USP30: variants seen among roughly 807,000 people sequenced by gnomAD.
The protein encoded by USP30 is ubiquitin specific peptidase 30.
USP30 carries 41 observed loss-of-function variants against 68.2 expected under a neutral mutation model. The ratio of observed to expected loss-of-function variants is 0.60; its 90% confidence interval spans 0.47 to 0.78. The LOEUF (loss-of-function observed/expected upper bound fraction) is 0.78. Ranked by LOEUF, USP30 falls within the 30% of genes least tolerant of loss-of-function variation. The pLI, the probability that USP30 is intolerant of heterozygous loss-of-function variation, is 0.00. For missense variants in USP30, 522 were observed against 649.4 expected, an observed-to-expected ratio of 0.80 and a Z score of 2.13; for synonymous variants, 229 against 253.7, an observed-to-expected ratio of 0.90 and a Z score of 0.93.
Position 109,028,635 on chromosome 12 carries a change from G to A in USP30, c.-136+1079G>A, listed in dbSNP as rs532447166. ...TGAGATTACAGGCGTGTGCCAACAC[G>A]CCTGGCTAATTTTTGTAATTTTAGT... On this transcript the variant is annotated intron_variant, in intron 3 of 15. Transcript: ENST00000392784. 6.6e-5 allele frequency among the ~76,000 whole-genome samples: 10 copies of A among 152,104 alleles called. No homozygotes were observed. In the East Asian group the frequency reaches 1.7e-3, roughly 26 times the overall value.
At chr12:109,053,120 T>G in intron 1 of USP30, 1 of 190,830 alleles carries the variant, frequency 5.2e-6, no homozygotes, top group Non-Finnish European at 1.1e-5. Context: ...CCTTCTAGTA[T>G]ACCCCCAGTC....
At chr12:109,060,549 T>A (rs2041030057) in intron 3 of USP30, among the ~76,000 whole-genome samples, 1 of 152,102 alleles carries the variant, frequency 6.6e-6, no homozygotes, top group African/African-American at 2.4e-5. Flanking sequence ...AAAAAAAAAA[T>A]GTGCAACTCG....
intron 3 of USP30, among the ~76,000 whole-genome samples, chr12:109,059,156 G>A (rs959333683): frequency 1.3e-5 from 2 of 152,118 alleles, no homozygotes; most frequent in Non-Finnish European, 2.9e-5. Flanking sequence ...ATATACACTG[G>A]CTTGGTAAAG....
chr12:109,069,188 T>A (rs528205994), intron 4 of USP30, among the ~76,000 whole-genome samples: 1 of 152,370 alleles, frequency 6.6e-6, no homozygotes, highest in African/African-American at 2.4e-5. Flanking sequence ...CCCCCTCCTC[T>A]GCAGTGCTGT....
intron 3 of USP30, among the ~76,000 whole-genome samples, chr12:109,041,854 T>A (rs1345979564): frequency 1.3e-5 from 2 of 152,116 alleles, no homozygotes; most frequent in East Asian, 3.8e-4. Flanking sequence ...GATCCCTCTG[T>A]CAATTGAAGC....
Position 109,066,986 on chromosome 12 carries a change from G to A in USP30, c.377-538G>A, listed in dbSNP as rs528772390. On this transcript the variant is annotated intron_variant, in intron 3 of 12. Coordinates refer to ENST00000257548, the MANE Select transcript of USP30 (RefSeq NM_032663.5). The stretch of plus-strand genomic sequence containing the variant: ...TCGGTTACTTCATTTAAATGCTGCA[G>A]CCTCATGAAAAATTACATTCATTCA... 2.0e-5 allele frequency among the ~76,000 whole-genome samples: 3 copies of A among 152,124 alleles called. No individual in the cohort carries two copies. In the South Asian group the frequency reaches 6.2e-4, roughly 32 times the overall value.
At chr12:109,078,553 C>G (rs1379022456) in intron 7 of USP30, among the ~76,000 whole-genome samples, 1 of 150,936 alleles carries the variant, frequency 6.6e-6, no homozygotes, top group African/African-American at 2.4e-5. Context: ...GAGCCGAGAT[C>G]ACACCACTGC....
At chr12:109,040,943 C>T (rs1289480755) in intron 3 of USP30, among the ~76,000 whole-genome samples, 1 of 152,200 alleles carries the variant, frequency 6.6e-6, no homozygotes, top group African/African-American at 2.4e-5. Flanking sequence ...CTCAGCTTTT[C>T]TCCCATATTG....
intron 3 of USP30, among the ~76,000 whole-genome samples, chr12:109,061,084 C>T (rs982893036): frequency 1.3e-5 from 2 of 152,140 alleles, no homozygotes; most frequent in African/African-American, 4.8e-5. Context: ...TGCACCCAGC[C>T]ATGTTCATGG....
At chr12:109,063,984 C>A (rs1356069359) in intron 3 of USP30, among the ~76,000 whole-genome samples, 3 of 151,518 alleles carry the variant, frequency 2.0e-5, no homozygotes, top group Admixed American at 2.0e-4. Context: ...AGCGATTCTC[C>A]TGCCTCAGCC....
At position 109,079,349 on chromosome 12, in the gene USP30, T is replaced by TC. The variant is rs2041721488; in HGVS notation, c.721-1985_721-1984insC. 2.0e-4 allele frequency among the ~76,000 whole-genome samples: 25 copies of TC among 125,472 alleles called. 1 individual carries two copies. The highest frequency in any genetic ancestry group is 7.5e-4 in the South Asian group (3 of 4,010). 82.3% of individuals were successfully genotyped at this position (125,472 alleles called of 152,430 possible). A position where few individuals can be genotyped will look rare whatever the true frequency, so the allele number is the denominator to read the frequency against. On this transcript the variant is annotated intron_variant, in intron 7 of 12. Transcript: ENST00000257548. ...TTTTCTTTTCTTTTTCTTTTTTTTTTTCTTTTTTTTTTTTTTTTTTTTTTT... is the reference window on the plus strand; with the variant it reads ...TTTTCTTTTCTTTTTCTTTTTTTTTTCTCTTTTTTTTTTTTTTTTTTTTTTT...
In USP30 at chr12:109,085,051, C is replaced by G. The variant is rs764391497; in HGVS notation, c.1267C>G (p.Leu423Val). The change falls in exon 12 of 13, where the codon CTC becomes GTC. Residue 423 changes from leucine to valine, a missense_variant. Leu to Val is a conservative substitution (Grantham distance 32). Transcript: ENST00000257548. ...GCTGTCAGCGCCGATGCCCTTCCCT[C>G]TCCCAGTTGTTCCCGACTACAGGTG... ...PTLSAPMPFP[L>V]PVVPDYSSST... 8.8e-6 allele frequency: 14 copies of G among 1,596,056 alleles called. No homozygotes were observed. The highest frequency in any genetic ancestry group is 1.2e-5 in the Non-Finnish European group (14 of 1,169,600).
chr12:109,063,290 G>A (rs765975371), intron 3 of USP30, among the ~76,000 whole-genome samples: 4 of 152,014 alleles, frequency 2.6e-5, no homozygotes, highest in Non-Finnish European at 2.9e-5. Context: ...TAGTAGAGAC[G>A]GGGTTTTACC....
Position 109,056,782 on chromosome 12 carries a change from C to G in USP30, c.184C>G (p.Arg62Gly). Reference protein sequence around the residue: ...IWGPITERKKRRKGLVPGLVN... With the variant: ...IWGPITERKKGRKGLVPGLVN... ...GGGTCCCATTACAGAAAGAAAGAAG[C>G]GTAGAAAAGGTAAGAATGAGAACAC... The change falls in exon 2 of 13, where the codon CGT becomes GGT. Residue 62 changes from arginine (R) to glycine (G), a missense_variant. Arg to Gly is a moderately radical substitution (Grantham distance 125, BLOSUM62 -2). Coordinates refer to ENST00000257548, the MANE Select transcript of USP30 (RefSeq NM_032663.5). 1 of 1,607,868 alleles carries G rather than the reference C, an allele frequency of 6.2e-7. No homozygotes were observed. The highest frequency in any genetic ancestry group is 8.5e-7 in the Non-Finnish European group (1 of 1,177,680).
chr12:109,065,182 A>G (rs553431867), intron 3 of USP30, among the ~76,000 whole-genome samples: 22 of 152,294 alleles, frequency 1.4e-4, no homozygotes, highest in Non-Finnish European at 2.6e-4. Flanking sequence ...CTTGGGAGTC[A>G]CTGAACTTCC....
rs1555257267 is a variant in USP30 at position 109,055,400 on chromosome 12, A to ACATATATATATATATATATATATTTTTT, written c.84-1282_84-1281insCATATATATATATATATATATATTTTTT. Reference sequence around the variant, plus strand: ...TATACATATATATATATATATATATATTTTTTTTTTTTTTTTTTTTGAGGC... The same window carrying ACATATATATATATATATATATATTTTTT: ...TATACATATATATATATATATATATACATATATATATATATATATATATTTTTTTTTTTTTTTTTTTTTTTTTTGAGGC... On this transcript the variant is annotated intron_variant, in intron 1 of 12. Coordinates refer to ENST00000257548, the MANE Select transcript of USP30 (RefSeq NM_032663.5). Among the ~76,000 whole-genome samples the ACATATATATATATATATATATATTTTTT allele has an allele frequency of 1.9e-3, 46 of 24,448 alleles. 1 individual carries two copies. Among genetic ancestry groups the ACATATATATATATATATATATATTTTTT allele is most frequent in the Non-Finnish European group, 3.8e-3 (43 of 11,436 alleles). 16.0% of individuals were successfully genotyped at this position (24,448 alleles called of 152,430 possible).
At chr12:109,079,351 CTTTTTTTTTTTTT>C (rs71079521) in intron 7 of USP30, among the ~76,000 whole-genome samples, 9 of 48,796 alleles carry the variant, frequency 1.8e-4, no homozygotes, top group African/African-American at 6.8e-4. Context: ...TTTTTTTTTT[CTTTTTTTTTTTTT>C]TTTTTTTTTT....
chr12:109,054,140 C>T, intron 1 of USP30: 1 of 444,264 alleles, frequency 2.3e-6, no homozygotes, highest in Middle Eastern at 3.3e-4. Flanking sequence ...TTAGCACTTC[C>T]ATGACAGTCC....
At position 109,030,988 on chromosome 12, in the gene USP30, A is replaced by T. The variant is rs192166108; in HGVS notation, c.-136+3432A>T. Among the ~76,000 whole-genome samples the T allele has an allele frequency of 1.5e-3, 223 of 152,318 alleles. 1 individual carries two copies. The highest frequency in any genetic ancestry group is 5.0e-3 in the African/African-American group (208 of 41,568). On this transcript the variant is annotated intron_variant, in intron 3 of 15. Transcript: ENST00000392784. ...CATCTTAAATATATACAGTATTTTT[A>T]AAATCAGGGGATGCTGAGCAAAGGG...
Sources: gnomAD v4.1 joint callset for allele counts (sites outside exome capture counted in the v4.1 genomes callset) on GRCh38, gnomAD v4.1.1 for gene constraint, MANE v1.5 for transcripts, NCBI Gene and HGNC (gene_info 2026-07-23, HGNC 2026-07-21) for gene names.